PLPPR1: variants seen among roughly 807,000 people sequenced by gnomAD.
PLPPR1 encodes the protein phospholipid phosphatase related 1, also known as phospholipid phosphatase-related protein type 1.
A neutral mutation model predicts 33.1 loss-of-function variants in PLPPR1; 10 were observed. The observed-to-expected ratio is 0.30, with a 90% confidence interval of 0.19 to 0.51. The LOEUF is 0.51. Ranked by LOEUF, PLPPR1 falls within the 20% of genes least tolerant of loss-of-function variation. The probability of loss-of-function intolerance (pLI) is 0.97; values close to 1 mark genes in which losing one functional copy is unlikely to be tolerated. For synonymous variants in PLPPR1, 151 were observed against 151.0 expected (o/e 1.00, Z 0.00); for missense variants, 304 against 408.1 (o/e 0.74, Z 2.20).
chr9:101,228,865 T>C (rs1827126157), intron 2 of PLPPR1, among the ~76,000 whole-genome samples: 1 of 152,090 alleles, frequency 6.6e-6, no homozygotes, highest in Admixed American at 6.6e-5. Flanking sequence ...AGGAAGTTAA[T>C]AGAAACTCGC....
intron 2 of PLPPR1, among the ~76,000 whole-genome samples, chr9:101,263,494 T>C (rs572765217): frequency 5.3e-5 from 8 of 152,330 alleles, no homozygotes; most frequent in Non-Finnish European, 8.8e-5. Context: ...TGGAACAAAA[T>C]AGGAATACAT....
chr9:101,298,215 C>T (rs1828683797), intron 4 of PLPPR1, among the ~76,000 whole-genome samples: 1 of 152,132 alleles, frequency 6.6e-6, no homozygotes, highest in African/African-American at 2.4e-5. Context: ...CAGAGCTCTT[C>T]ATTATAGTCT....
At chr9:101,064,347 AGAATGAAT>A (rs34535403) in intron 1 of PLPPR1, among the ~76,000 whole-genome samples, 5 of 150,304 alleles carry the variant, frequency 3.3e-5, no homozygotes, top group East Asian at 4.0e-4. Context: ...TAATATTTAT[AGAATGAAT>A]GAATGAATGA....
intron 1 of PLPPR1, among the ~76,000 whole-genome samples, chr9:101,164,543 T>C (rs567815559): frequency 1.2e-4 from 18 of 151,946 alleles, no homozygotes; most frequent in Non-Finnish European, 2.1e-4. Context: ...TTTTAATGTA[T>C]TTTTAGTAGA....
At chr9:101,299,737 T>C (rs923662395) in intron 4 of PLPPR1, among the ~76,000 whole-genome samples, 7 of 152,230 alleles carry the variant, frequency 4.6e-5, no homozygotes, top group Admixed American at 2.6e-4. Context: ...TTCATGACAC[T>C]ACAGTGAACT....
intron 1 of PLPPR1, among the ~76,000 whole-genome samples, chr9:101,157,964 A>G (rs56156225): frequency 0.15 from 22,296 of 152,194 alleles, 1,988 homozygotes; most frequent in Non-Finnish European, 0.2. Context: ...AGATTGCACC[A>G]TTGCACTCCA....
chr9:101,054,350 G>C (rs1452269608), intron 1 of PLPPR1, among the ~76,000 whole-genome samples: 1 of 150,168 alleles, frequency 6.7e-6, no homozygotes, highest in African/African-American at 2.4e-5. Context: ...TTTCACAAAG[G>C]GTTTCAATTC....
At chr9:101,089,822 T>G (rs1830721155) in intron 1 of PLPPR1, among the ~76,000 whole-genome samples, 1 of 152,220 alleles carries the variant, frequency 6.6e-6, no homozygotes, top group Non-Finnish European at 1.5e-5. Context: ...AATTACTGCT[T>G]TAGAAGCATT....
chr9:101,240,886 T>C (rs981322372), intron 2 of PLPPR1, among the ~76,000 whole-genome samples: 8 of 152,058 alleles, frequency 5.3e-5, no homozygotes, highest in Non-Finnish European at 7.4e-5. Flanking sequence ...GTAAGTCTCA[T>C]TCCCTCCTTT....
At chr9:101,046,582 T>G (rs141474585) in intron 1 of PLPPR1, among the ~76,000 whole-genome samples, 2,158 of 151,624 alleles carry the variant, frequency 0.014, 55 homozygotes, top group African/African-American at 0.05. Context: ...TGGGACTACC[T>G]GCGTCTGCCA....
chr9:101,293,766 A>G (rs1349696578), intron 4 of PLPPR1, among the ~76,000 whole-genome samples: 3 of 152,208 alleles, frequency 2.0e-5, no homozygotes, highest in Non-Finnish European at 4.4e-5. Context: ...GAGAACAAAG[A>G]CACAACATAC....
chr9:101,208,518 T>C (rs929945634), intron 2 of PLPPR1, among the ~76,000 whole-genome samples: 11 of 152,230 alleles, frequency 7.2e-5, no homozygotes, highest in African/African-American at 2.7e-4. Context: ...ATCTTTATAC[T>C]TCAACCTTCA....
chr9:101,293,345 A>T (rs940777081), intron 4 of PLPPR1, among the ~76,000 whole-genome samples: 6 of 151,988 alleles, frequency 3.9e-5, no homozygotes, highest in East Asian at 1.9e-4. Context: ...CTCCCACACA[A>T]TAATAATGGG....
chr9:101,197,340 ATGTCTCAC>A (rs1276003806), intron 2 of PLPPR1, among the ~76,000 whole-genome samples: 10 of 152,196 alleles, frequency 6.6e-5, no homozygotes, highest in Non-Finnish European at 1.5e-4. Flanking sequence ...CCCAAACTTG[ATGTCTCAC>A]TGTCACCTGA....
chr9:101,199,766 C>A (rs897181582), intron 2 of PLPPR1, among the ~76,000 whole-genome samples: 1 of 152,132 alleles, frequency 6.6e-6, no homozygotes, highest in Non-Finnish European at 1.5e-5. Flanking sequence ...TCATTAATAG[C>A]CTTTGGTTTC....
chr9:101,246,101 TATATATATAGATAG>T (rs1185845118), intron 2 of PLPPR1, among the ~76,000 whole-genome samples: 5 of 104,020 alleles, frequency 4.8e-5, no homozygotes, highest in African/African-American at 1.6e-4. Context: ...TATATATATA[TATATATATAGATAG>T]ATAGATAGAT....
intron 1 of PLPPR1, among the ~76,000 whole-genome samples, chr9:101,124,642 G>A (rs188921726): frequency 1.3e-5 from 2 of 152,306 alleles, no homozygotes; most frequent in African/African-American, 4.8e-5. Flanking sequence ...CACAGGGAAA[G>A]CAAATCAAGG....
At chr9:101,312,614 T>C (rs962029856) in intron 5 of PLPPR1, among the ~76,000 whole-genome samples, 184 bp from the exon 6 acceptor site, 2 of 152,212 alleles carry the variant, frequency 1.3e-5, no homozygotes, top group African/African-American at 4.8e-5. Context: ...CTTGCTGCAC[T>C]GATTTCCTAC....
At chr9:101,108,752 A>G (rs150117418) in intron 1 of PLPPR1, among the ~76,000 whole-genome samples, 1 of 152,284 alleles carries the variant, frequency 6.6e-6, no homozygotes, top group East Asian at 1.9e-4. Flanking sequence ...CAATTAAGCT[A>G]CATCTTTTGT....
Sources: allele counts gnomAD v4.1 joint callset (sites outside exome capture counted in the v4.1 genomes callset), GRCh38; gene constraint gnomAD v4.1.1; transcripts MANE v1.5; gene names NCBI Gene and HGNC (gene_info 2026-07-23, HGNC 2026-07-21).